Variants in RHCE observed in about 807,000 individuals in gnomAD.
RHCE encodes blood group Rh(CE) polypeptide.
In RHCE, 22 loss-of-function variants were observed where a neutral mutation model predicts 43.8. The ratio of observed to expected loss-of-function variants is 0.50; its 90% CI spans 0.36 to 0.72. RHCE has a LOEUF of 0.72. Ranked by LOEUF, RHCE falls within the 30% of genes least tolerant of loss-of-function variation. The pLI is 0.00. For missense variants in RHCE, 385 were observed against 525.4 expected, an observed-to-expected ratio of 0.73 and a Z score of 2.61; for synonymous variants, 156 against 210.7, an observed-to-expected ratio of 0.74 and a Z score of 2.25.
rs28797275 is a variant in RHCE, at chr1:25,396,494, G to A, written c.487-4353C>T. Reference sequence around the variant, plus strand: ...CTATAAAGATACTTCCTGAGACTGCGTAATTTATAAACAAAAGAGGCTGAA... The same window carrying A: ...CTATAAAGATACTTCCTGAGACTGCATAATTTATAAACAAAAGAGGCTGAA... On this transcript the variant is annotated intron_variant, in intron 3 of 9. Coordinates refer to ENST00000294413, the MANE Select transcript of RHCE (RefSeq NM_020485.8). Among the ~76,000 whole-genome samples, 923 of 152,288 alleles carry A rather than the reference G, an allele frequency of 6.1e-3. 12 individuals are homozygous for A. Among genetic ancestry groups the A allele is most frequent in the African/African-American group, 0.021 (861 of 41,548 alleles).
upstream of RHCE, chr1:25,420,933 T>G: frequency 1.3e-6 from 2 of 1,524,232 alleles, no homozygotes; most frequent in South Asian, 2.4e-5. Flanking sequence ...CTGGCCTGTC[T>G]ATGGAGTTAA....
At chr1:25,379,493 ATATTTTTTTTTTTTTT>A (rs1455312234) in intron 7 of RHCE, among the ~76,000 whole-genome samples, 5 of 17,888 alleles carry the variant, frequency 2.8e-4, no homozygotes, top group Non-Finnish European at 3.0e-4. Context: ...ATATATATAT[ATATTTTTTTTTTTTTT>A]TTTTTTTTTT....
intron 9 of RHCE, 32 bp downstream of exon 9, chr1:25,370,435 A>C: frequency 6.3e-7 from 1 of 1,579,148 alleles, no homozygotes; most frequent in Non-Finnish European, 8.7e-7. Flanking sequence ...ATGCACTCAA[A>C]ATCTATCACG....
intron 4 of RHCE, among the ~76,000 whole-genome samples, chr1:25,391,383 C>T (rs1220125180): frequency 6.6e-6 from 1 of 152,006 alleles, no homozygotes; most frequent in Non-Finnish European, 1.5e-5. Flanking sequence ...GATGGGGTTT[C>T]GCCCTGTTGG....
At chr1:25,426,434 T>G (rs1308740133) in intron 2 of RHCE, among the ~76,000 whole-genome samples, 1 of 152,110 alleles carries the variant, frequency 6.6e-6, no homozygotes, top group African/African-American at 2.4e-5. Flanking sequence ...TATAACATGG[T>G]GGTTAAAGAG....
intron 1 of RHCE, among the ~76,000 whole-genome samples, chr1:25,416,164 G>A (rs1215563146): frequency 1.3e-5 from 2 of 152,104 alleles, no homozygotes; most frequent in African/African-American, 4.8e-5. Context: ...TTTGGAAGGT[G>A]CCCTAAGGGA....
intron 1 of RHCE, among the ~76,000 whole-genome samples, chr1:25,410,119 A>G (rs1271772264): frequency 6.6e-6 from 1 of 151,258 alleles, no homozygotes; most frequent in Non-Finnish European, 1.5e-5. Flanking sequence ...CTGGTCTCAA[A>G]CTCCTGACCT....
chr1:25,429,220 A>ATTT (rs2042829327), intron 1 of RHCE, among the ~76,000 whole-genome samples: 1 of 92,298 alleles, frequency 1.1e-5, no homozygotes, highest in Non-Finnish European at 2.1e-5. Context: ...CTTCCTGGGA[A>ATTT]GTTTTTTTTT....
chr1:25,390,031 C>G (rs1646306727), intron 5 of RHCE, among the ~76,000 whole-genome samples: 1 of 152,174 alleles, frequency 6.6e-6, no homozygotes, highest in Non-Finnish European at 1.5e-5. Flanking sequence ...TCTTTCCACT[C>G]CAGCCCCCCC....
chr1:25,399,680 T>C (rs1251142962), intron 3 of RHCE, among the ~76,000 whole-genome samples: 1 of 152,204 alleles, frequency 6.6e-6, no homozygotes, highest in African/African-American at 2.4e-5. Context: ...CACCTACCGA[T>C]GGTTACATAT....
At chr1:25,398,944 T>G in intron 3 of RHCE, 1 of 1,063,208 alleles carries the variant, frequency 9.4e-7, no homozygotes. Context: ...GTCAGTGTTT[T>G]GCTCCCGGGT....
At chr1:25,383,560 G>C (rs2904844) in intron 7 of RHCE, among the ~76,000 whole-genome samples, 2 of 152,196 alleles carry the variant, frequency 1.3e-5, no homozygotes, top group Non-Finnish European at 2.9e-5. Flanking sequence ...TAGGGAGTTT[G>C]AGTACCAGGA....
chr1:25,376,370 C>A (rs1557601925), intron 7 of RHCE, among the ~76,000 whole-genome samples: 1 of 152,248 alleles, frequency 6.6e-6, no homozygotes, highest in East Asian at 1.9e-4. Context: ...TAGTTGTACA[C>A]AACAAGCCAG....
intron 7 of RHCE, among the ~76,000 whole-genome samples, chr1:25,385,053 C>T (rs1369769243): frequency 5.3e-5 from 8 of 152,150 alleles, no homozygotes; most frequent in Non-Finnish European, 1.2e-4. Flanking sequence ...AGAAAATATT[C>T]ACACAACATC....
At chr1:25,404,218 C>A (rs1163030057) in intron 2 of RHCE, among the ~76,000 whole-genome samples, 1 of 149,156 alleles carries the variant, frequency 6.7e-6, no homozygotes, top group African/African-American at 2.5e-5. Context: ...CGTGCTAGCT[C>A]ACCGTTCAGT....
At chr1:25,393,626 T>G (rs1397241927) in intron 3 of RHCE, among the ~76,000 whole-genome samples, 1 of 151,558 alleles carries the variant, frequency 6.6e-6, no homozygotes, top group East Asian at 1.9e-4. Context: ...GTCAAATAAA[T>G]AAATAAAATA....
intron 7 of RHCE, among the ~76,000 whole-genome samples, chr1:25,379,842 C>G (rs1232236291): frequency 6.6e-6 from 1 of 151,990 alleles, no homozygotes; most frequent in East Asian, 1.9e-4. Context: ...ACCTGGCTAA[C>G]TTTTTATTTT....
At chr1:25,409,770 T>C (rs1460642028) in intron 1 of RHCE, among the ~76,000 whole-genome samples, 2 of 148,454 alleles carry the variant, frequency 1.3e-5, no homozygotes, top group East Asian at 2.1e-4. Flanking sequence ...TCACTTTACA[T>C]AGACTATCTT....
chr1:25,423,951 G>A (rs142244886), upstream of RHCE, among the ~76,000 whole-genome samples: 12 of 152,258 alleles, frequency 7.9e-5, no homozygotes, highest in East Asian at 5.8e-4. Flanking sequence ...GATGGCCTCC[G>A]ACGTACGGTG....
Sources: gnomAD v4.1 joint callset for allele counts (sites outside exome capture counted in the v4.1 genomes callset) on GRCh38, gnomAD v4.1.1 for gene constraint, MANE v1.5 for transcripts, NCBI Gene and HGNC (gene_info 2026-07-23, HGNC 2026-07-21) for gene names.